The following HSDL2 variants were observed in gnomAD, a reference collection of about 807,000 sequenced individuals.
HSDL2 encodes hydroxysteroid dehydrogenase-like protein 2.
HSDL2 carries 27 observed loss-of-function variants against 46.3 expected under a neutral mutation model. The ratio of observed to expected loss-of-function variants is 0.58; its 90% CI spans 0.43 to 0.80. HSDL2 has a LOEUF of 0.80. Ranked by LOEUF, HSDL2 falls within the 30% of genes least tolerant of loss-of-function variation. The pLI is 0.00. For synonymous variants in HSDL2, 153 were observed against 163.6 expected (o/e 0.94, Z 0.50); for missense variants, 451 against 502.7 (o/e 0.90, Z 0.98).
chr9:112,393,048 T>C (rs57132070), intron 1 of HSDL2, among the ~76,000 whole-genome samples: 21,334 of 152,160 alleles, frequency 0.14, 1,868 homozygotes, highest in East Asian at 0.21. Context: ...TTCGTTCTCT[T>C]GGTTTTGACG....
At chr9:112,440,311 A>AAGAGAG (rs577992756) in intron 7 of HSDL2, among the ~76,000 whole-genome samples, 1 of 151,422 alleles carries the variant, frequency 6.6e-6, no homozygotes, top group Admixed American at 6.6e-5. Flanking sequence ...ACTTCTGAAA[A>AAGAGAG]AGAGAGAGAG....
chr9:112,408,868 A>T, intron 3 of HSDL2, 39 bp from the exon 4 acceptor site: 1 of 1,104,684 alleles, frequency 9.1e-7, no homozygotes, highest in Non-Finnish European at 1.4e-6. Context: ...TGTGATAAAA[A>T]GTCTTTCATT....
chr9:112,423,783 A>G (rs10817339), intron 6 of HSDL2, among the ~76,000 whole-genome samples: 142,257 of 151,990 alleles, frequency 0.94, 66,669 homozygotes, highest in African/African-American at 0.98. Flanking sequence ...TGGCACAATT[A>G]GCTCACTGCA....
intron 1 of HSDL2, among the ~76,000 whole-genome samples, chr9:112,400,063 C>A (rs1831554950): frequency 6.6e-6 from 1 of 152,190 alleles, no homozygotes. Flanking sequence ...TCTTCCGCGG[C>A]TCCAGCTGGT....
chr9:112,417,489 A>C (rs1007787750), intron 5 of HSDL2, among the ~76,000 whole-genome samples: 2 of 151,900 alleles, frequency 1.3e-5, no homozygotes, highest in Non-Finnish European at 2.9e-5. Context: ...AAAAAAAAAA[A>C]AAAAAACGAC....
intron 4 of HSDL2, 127 bp downstream of exon 4, chr9:112,409,148 T>C (rs954358011): frequency 6.3e-6 from 3 of 479,042 alleles, no homozygotes; most frequent in Admixed American, 3.7e-5. Context: ...TATAAGGGTC[T>C]AAAAGTCCTT....
rs192226221 is a variant in HSDL2 at position 112,419,633 on chromosome 9, C to A, written c.598+675C>A. Among the ~76,000 whole-genome samples, 1,352 of 152,316 alleles carry A rather than the reference C, an allele frequency of 8.9e-3. 22 individuals are homozygous for A. Among genetic ancestry groups the A allele is most frequent in the Non-Finnish European group, 0.014 (948 of 68,016 alleles). ...CTCATACTTTTGTTTTCTCCTCACA[C>A]ATTCTAACAAATGCTTTTTAACATT... On this transcript the variant is annotated intron_variant, in intron 6 of 10. Transcript: ENST00000398805.
At chr9:112,437,204 C>A (rs1832546974) in intron 6 of HSDL2, among the ~76,000 whole-genome samples, 1 of 152,134 alleles carries the variant, frequency 6.6e-6, no homozygotes, top group Non-Finnish European at 1.5e-5. Flanking sequence ...AAGTGATCCA[C>A]CCACCTCGGC....
intron 4 of HSDL2, among the ~76,000 whole-genome samples, chr9:112,411,041 A>T (rs1831852648): frequency 6.6e-6 from 1 of 152,242 alleles, no homozygotes; most frequent in South Asian, 2.1e-4. Context: ...AAGCATTACC[A>T]CATGGCAATA....
At chr9:112,391,634 G>C (rs865949193) in intron 1 of HSDL2, among the ~76,000 whole-genome samples, 1 of 152,058 alleles carries the variant, frequency 6.6e-6, no homozygotes, top group Non-Finnish European at 1.5e-5. Flanking sequence ...AGCCAGGCTT[G>C]GTGGCTCATG....
intron 8 of HSDL2, among the ~76,000 whole-genome samples, chr9:112,450,049 C>T (rs1241217518): frequency 6.6e-6 from 1 of 151,764 alleles, no homozygotes; most frequent in Non-Finnish European, 1.5e-5. Context: ...TGCATTTATC[C>T]CCTTAACATA....
chr9:112,399,494 G>T (rs1587932847), intron 1 of HSDL2, among the ~76,000 whole-genome samples: 2 of 152,084 alleles, frequency 1.3e-5, no homozygotes, highest in South Asian at 4.2e-4. Flanking sequence ...AGAACCAGTT[G>T]GACCACAAAT....
At chr9:112,455,256 T>G (rs937168547) in intron 9 of HSDL2, among the ~76,000 whole-genome samples, 1 of 151,600 alleles carries the variant, frequency 6.6e-6, no homozygotes, top group Admixed American at 6.6e-5. Flanking sequence ...CAAATAAAAG[T>G]TAAGAAACAG....
In HSDL2 at chr9:112,454,039, A is replaced by C. The variant is rs749630462; in HGVS notation, c.892A>C (p.Lys298Gln). Residue 298 changes from lysine (K) to glutamine (Q), a missense_variant, in exon 9 of 11, where the codon AAA becomes CAA. Transcript: ENST00000398805. ...TGAVPEFKEE[K>Q]LQLQPKPRSG... Reference sequence around the variant, plus strand: ...TGCTGTTCCAGAATTCAAAGAAGAGAAACTGCAGCTGCAACCAAAACCACG... The same window carrying C: ...TGCTGTTCCAGAATTCAAAGAAGAGCAACTGCAGCTGCAACCAAAACCACG... 1 of 1,613,936 alleles carries C rather than the reference A, an allele frequency of 6.2e-7. No homozygotes were observed. The highest frequency in any genetic ancestry group is 1.7e-5 in the Admixed American group (1 of 59,954).
At chr9:112,450,626 C>CAAAAAAAA (rs56114018) in intron 8 of HSDL2, among the ~76,000 whole-genome samples, 1 of 120,700 alleles carries the variant, frequency 8.3e-6, no homozygotes, top group Non-Finnish European at 1.7e-5. Context: ...AAGACTGCCT[C>CAAAAAAAA]AAAAAAAAAA....
chr9:112,468,870 C>G (rs1016003829), intron 10 of HSDL2, among the ~76,000 whole-genome samples: 1 of 152,142 alleles, frequency 6.6e-6, no homozygotes, highest in Non-Finnish European at 1.5e-5. Flanking sequence ...CTCTGCAAAG[C>G]TCATTGGAAG....
Position 112,388,460 on chromosome 9 carries a change from CAAAA to C in HSDL2, c.17+8297_17+8300del, listed in dbSNP as rs35133211. Among the ~76,000 whole-genome samples the C allele has an allele frequency of 1.9e-3, 199 of 107,302 alleles. 1 individual carries two copies. The highest frequency in any genetic ancestry group is 6.2e-3 in the African/African-American group (174 of 27,886). 70.4% of individuals were successfully genotyped at this position (107,302 alleles called of 152,430 possible). A position where few individuals can be genotyped will look rare whatever the true frequency, so the allele number is the denominator to read the frequency against. On this transcript the variant is annotated intron_variant, in intron 1 of 10. Coordinates refer to ENST00000398805, the MANE Select transcript of HSDL2 (RefSeq NM_032303.5). The stretch of plus-strand genomic sequence containing the variant: ...TGGGAGACAGAGCTAGACTCCATCT[CAAAA>C]AAAAAAAAAAAAAAAATACGCCAGG...
intron 1 of HSDL2, among the ~76,000 whole-genome samples, chr9:112,393,033 G>T (rs1226365551): frequency 1.3e-5 from 2 of 152,102 alleles, no homozygotes; most frequent in East Asian, 1.9e-4. Flanking sequence ...GGCGATGAAG[G>T]CTTGTTCGTT....
intron 6 of HSDL2, among the ~76,000 whole-genome samples, chr9:112,421,844 AC>A (rs1832131384): frequency 6.6e-6 from 1 of 152,152 alleles, no homozygotes; most frequent in African/African-American, 2.4e-5. Context: ...AGCTGCTAGG[AC>A]GGTGGGCAGG....
Sources: gnomAD v4.1 joint callset for allele counts (sites outside exome capture counted in the v4.1 genomes callset) on GRCh38, gnomAD v4.1.1 for gene constraint, MANE v1.5 for transcripts, NCBI Gene and HGNC (gene_info 2026-07-23, HGNC 2026-07-21) for gene names.